The following TRMT10B variants were observed in gnomAD, a reference collection of about 807,000 sequenced individuals.
TRMT10B encodes the protein tRNA methyltransferase 10 homolog B.
A neutral mutation model predicts 43.8 loss-of-function variants in TRMT10B; 33 were observed. The ratio of observed to expected loss-of-function variants is 0.75; its 90% confidence interval spans 0.57 to 1.01. The LOEUF is 1.01. Among genes scored for constraint, TRMT10B ranks in the 50% least tolerant of loss-of-function variants. TRMT10B has a pLI of 0.00. For missense variants in TRMT10B, 362 were observed against 369.8 expected (o/e 0.98, Z 0.17); for synonymous variants, 137 against 130.6 (o/e 1.05, Z -0.34).
rs1460798780 is a variant in TRMT10B at position 37,763,692 on chromosome 9, C to G, written c.359C>G (p.Ala120Gly). 1 of 1,614,034 alleles carries G rather than the reference C, an allele frequency of 6.2e-7. No homozygotes were observed. Among genetic ancestry groups the G allele is most frequent in the Non-Finnish European group, 8.5e-7 (1 of 1,180,024 alleles). Residue 120 changes from alanine to glycine, a missense_variant, in exon 4 of 9, where the codon GCC becomes GGC. Transcript: ENST00000297994. Reference protein sequence around the residue: ...RALTKDKLLEAKHSGPRLCID... With the variant: ...RALTKDKLLEGKHSGPRLCID... ...CTAACCAAAGACAAACTTTTGGAAGCCAAACACTCAGGACCAAGACTATGT... is the reference window on the plus strand; with the variant it reads ...CTAACCAAAGACAAACTTTTGGAAGGCAAACACTCAGGACCAAGACTATGT...
chr9:37,752,979 G>A (rs1230832921), upstream of TRMT10B, among the ~76,000 whole-genome samples: 2 of 152,102 alleles, frequency 1.3e-5, no homozygotes, highest in Admixed American at 1.3e-4. Flanking sequence ...CTAACCCTTT[G>A]GGTCCCTACT....
At chr9:37,774,719 T>C (rs1827956313) in intron 7 of TRMT10B, among the ~76,000 whole-genome samples, 1 of 152,246 alleles carries the variant, frequency 6.6e-6, no homozygotes, top group African/African-American at 2.4e-5. Context: ...AAAACATTTT[T>C]GGAAGTTCTA....
chr9:37,772,903 G>A (rs1362864745), intron 7 of TRMT10B, among the ~76,000 whole-genome samples: 1 of 152,216 alleles, frequency 6.6e-6, no homozygotes, highest in African/African-American at 2.4e-5. Flanking sequence ...ATTCTGTATT[G>A]AGAGGAAAGC....
intron 5 of TRMT10B, chr9:37,769,468 T>C (rs1376259726): frequency 1.2e-5 from 2 of 160,890 alleles, no homozygotes; most frequent in East Asian, 3.6e-4. Flanking sequence ...TCTCATTTCA[T>C]AGGTTTGAAC....
chr9:37,774,152 G>A lies in TRMT10B; in HGVS notation c.721-2130G>A, dbSNP rs1462355403. Among the ~76,000 whole-genome samples, 3 of 152,042 alleles carry A rather than the reference G, an allele frequency of 2.0e-5. No individual in the cohort carries two copies. In the East Asian group the frequency reaches 5.8e-4, roughly 29 times the overall value. ...AGCTTCCCAAGTAGCTGGGACCACA[G>A]GTGGGCGCTACCATGCCCAGCTAAT... On this transcript the variant is annotated intron_variant, in intron 7 of 8. Coordinates refer to ENST00000297994, the MANE Select transcript of TRMT10B (RefSeq NM_144964.4).
chr9:37,773,012 G>T (rs1827750440), intron 7 of TRMT10B, among the ~76,000 whole-genome samples: 1 of 151,848 alleles, frequency 6.6e-6, no homozygotes, highest in Admixed American at 6.5e-5. Flanking sequence ...AGTGAAAATG[G>T]TATTGTGGTA....
chr9:37,763,810 T>C (rs1221345989), intron 4 of TRMT10B, 57 bp downstream of exon 4: 1 of 1,611,662 alleles, frequency 6.2e-7, no homozygotes, highest in Non-Finnish European at 8.5e-7. Flanking sequence ...CCCAGAAGGG[T>C]ACAGCTTTCC....
chr9:37,769,850 A>C (rs1589035754), intron 5 of TRMT10B, 91 bp from the exon 6 acceptor site: 9 of 974,080 alleles, frequency 9.2e-6, no homozygotes, highest in Non-Finnish European at 1.5e-5. Flanking sequence ...TGATCCTTCC[A>C]CCTTAGCCTC....
chr9:37,763,145 AAAAAAAAAAAAAAAAAAAAAC>A (rs1161943147), intron 3 of TRMT10B, among the ~76,000 whole-genome samples: 2 of 113,720 alleles, frequency 1.8e-5, no homozygotes, highest in Admixed American at 2.0e-4. Context: ...CTCTGTCTCA[AAAAAAAAAAAAAAAAAAAAAC>A]AAAAAAAAAA....
upstream of TRMT10B, among the ~76,000 whole-genome samples, chr9:37,753,446 T>C (rs530710303): frequency 6.6e-6 from 1 of 152,316 alleles, no homozygotes; most frequent in South Asian, 2.1e-4. Context: ...GTTTTTAAGG[T>C]TTCCTTCGGC....
intron 2 of TRMT10B, 109 bp downstream of exon 2, chr9:37,762,226 G>T (rs1337634704): frequency 2.4e-6 from 3 of 1,247,560 alleles, no homozygotes; most frequent in Non-Finnish European, 3.3e-6. Flanking sequence ...AATGAGTTTT[G>T]TGTATTCTGA....
At chr9:37,772,656 C>T (rs1444284409) in intron 7 of TRMT10B, among the ~76,000 whole-genome samples, 1 of 152,130 alleles carries the variant, frequency 6.6e-6, no homozygotes, top group Admixed American at 6.5e-5. Flanking sequence ...AACAACTGGA[C>T]TGGACTTAAC....
chr9:37,767,512 CCAAAAAA>C (rs981832149), intron 4 of TRMT10B: 10 of 60,862 alleles, frequency 1.6e-4, no homozygotes, highest in African/African-American at 6.0e-4. Context: ...GACCCTGTCT[CCAAAAAA>C]AAAAAAAAAA....
chr9:37,757,856 C>T (rs1308388577), intron 1 of TRMT10B, among the ~76,000 whole-genome samples: 1 of 152,124 alleles, frequency 6.6e-6, no homozygotes, highest in Non-Finnish European at 1.5e-5. Flanking sequence ...AGCTATTGTC[C>T]CATTACTCAC....
chr9:37,760,230 G>A (rs1288577223), intron 1 of TRMT10B, among the ~76,000 whole-genome samples: 2 of 152,220 alleles, frequency 1.3e-5, no homozygotes, highest in Non-Finnish European at 2.9e-5. Context: ...GCTGAAGCAG[G>A]AGAATTGTTT....
chr9:37,754,246 T>C (rs1399995176), intron 1 of TRMT10B, among the ~76,000 whole-genome samples: 2 of 152,196 alleles, frequency 1.3e-5, no homozygotes, highest in East Asian at 1.9e-4. Context: ...ATTGAAGGGA[T>C]GGAGGAGGTT....
chr9:37,767,877 C>G (rs988844068), intron 4 of TRMT10B, among the ~76,000 whole-genome samples, 199 bp from the exon 5 acceptor site: 1 of 152,120 alleles, frequency 6.6e-6, no homozygotes, highest in African/African-American at 2.4e-5. Context: ...TTTCCACTAC[C>G]TCACTGTTTC....
intron 7 of TRMT10B, among the ~76,000 whole-genome samples, chr9:37,772,095 G>A (rs1827654830): frequency 6.6e-6 from 1 of 152,004 alleles, no homozygotes; most frequent in East Asian, 1.9e-4. Context: ...CACTGCAGCC[G>A]CAATCTCATG....
chr9:37,764,356 CTG>C (rs1329443103), intron 4 of TRMT10B, among the ~76,000 whole-genome samples: 27 of 138,988 alleles, frequency 1.9e-4, no homozygotes, highest in African/African-American at 7.0e-4. Context: ...GAGTCTCACT[CTG>C]TTGCCGGGGC....
Sources: allele counts gnomAD v4.1 joint callset (sites outside exome capture counted in the v4.1 genomes callset), GRCh38; gene constraint gnomAD v4.1.1; transcripts MANE v1.5; gene names NCBI Gene and HGNC (gene_info 2026-07-23, HGNC 2026-07-21).